The following PRAME variants were observed in gnomAD, a reference collection of about 807,000 sequenced individuals.
PRAME encodes PRAME nuclear receptor transcriptional regulator.
A neutral mutation model predicts 32.1 loss-of-function variants in PRAME; 21 were observed. The ratio of observed to expected loss-of-function variants is 0.65; its 90% CI spans 0.46 to 0.94. The LOEUF (loss-of-function observed/expected upper bound fraction) is 0.94, where lower values mean the gene tolerates loss of function less well. PRAME is among the 40% of genes least tolerant of loss of function. PRAME has a pLI of 0.00. For synonymous variants in PRAME, 274 were observed against 251.5 expected (o/e 1.09, Z -0.85); for missense variants, 651 against 622.3 (o/e 1.05, Z -0.49).
At chr22:22,553,012 G>A (rs935975103) in intron 3 of PRAME, 2 of 459,174 alleles carry the variant, frequency 4.4e-6, no homozygotes, top group South Asian at 1.6e-5. Flanking sequence ...GAATCCTGAT[G>A]GGGTTTTTTA....
intron 3 of PRAME, among the ~76,000 whole-genome samples, chr22:22,555,502 T>C (rs1439712029): frequency 1.3e-5 from 2 of 151,834 alleles, no homozygotes; most frequent in East Asian, 3.9e-4. Context: ...CCTCCCAAAG[T>C]GTTGAGATTA....
rs1211962391 is a variant in PRAME at position 22,548,170 on chromosome 22, C to T, written c.1427G>A (p.Arg476Gln). 13 of 1,613,816 alleles carry T rather than the reference C, an allele frequency of 8.1e-6. No individual in the cohort carries two copies. Among genetic ancestry groups the T allele is most frequent in the East Asian group, 4.5e-5 (2 of 44,784 alleles). Reference sequence around the variant, plus strand: ...GGCACTAAGCCAGACCATGCTGGGCCGCCCCAACTCACACAGCAACTCCCT... The same window carrying T: ...GGCACTAAGCCAGACCATGCTGGGCTGCCCCAACTCACACAGCAACTCCCT... The part of the protein sequence containing the change: ...RLRELLCELG[R>Q]PSMVWLSANP... The change falls in exon 6 of 6, where the codon CGG becomes CAG. Residue 476 changes from arginine to glutamine, a missense_variant. Arg to Gln is a conservative substitution (Grantham distance 43). Coordinates refer to ENST00000405655, the MANE Select transcript of PRAME (RefSeq NM_206956.3).
At chr22:22,554,166 C>A (rs2062766782) in intron 3 of PRAME, 2 of 985,034 alleles carry the variant, frequency 2.0e-6, no homozygotes, top group Admixed American at 6.2e-5. Context: ...TGGGCCTGAT[C>A]ACCCACTGGT....
At chr22:22,555,134 T>C (rs960635381) in intron 3 of PRAME, among the ~76,000 whole-genome samples, 3 of 152,012 alleles carry the variant, frequency 2.0e-5, no homozygotes, top group Non-Finnish European at 4.4e-5. Context: ...CTGCATGTCC[T>C]GTCTACTGGT....
At chr22:22,554,735 A>G (rs184083118) in intron 3 of PRAME, among the ~76,000 whole-genome samples, 1 of 152,080 alleles carries the variant, frequency 6.6e-6, no homozygotes, top group African/African-American at 2.4e-5. Flanking sequence ...GAGTTTAGAA[A>G]GAGTTTCATT....
chr22:22,552,845 C>T (rs2062675549), intron 3 of PRAME: 1 of 470,832 alleles, frequency 2.1e-6, no homozygotes, highest in Non-Finnish European at 4.4e-6. Context: ...TCTGCCCAGA[C>T]CTCTGGGAAG....
Position 22,549,974 on chromosome 22 carries a change from A to G in PRAME, c.705T>C (p.Ile235=). The G allele has an allele frequency of 6.2e-7, 1 of 1,613,846 alleles. No homozygotes were observed. ...AGGTACAAGTCACTTCCAAATCTTC[A>G]ATAGAGTCCAGCTGCACCATTTTCA... The part of the protein sequence containing the change: ...MILKMVQLDS[I]EDLEVTCTWK... The change falls in exon 5 of 6, where the codon ATT becomes ATC. Residue 235 remains isoleucine, a synonymous_variant. Coordinates refer to ENST00000405655, the MANE Select transcript of PRAME (RefSeq NM_206956.3).
At position 22,547,875 on chromosome 22, in the gene PRAME, G is replaced by C; in HGVS notation, c.*192C>G. 1.6e-6 allele frequency: 1 copy of C among 630,074 alleles called. No individual in the cohort carries two copies. The highest frequency in any genetic ancestry group is 2.8e-6 in the Non-Finnish European group (1 of 363,588). The allele number at this position is 630,074 out of a possible 1,614,324, so 39.0% of individuals were successfully genotyped here. ...ACATTAACTCCTCAAGTCAACATCT[G>C]CCTACCCCCAACTTCCCCTTTTTTT... On this transcript the variant is annotated 3_prime_UTR_variant, in exon 6 of 6. Transcript: ENST00000405655.
chr22:22,548,393 G>A lies in PRAME; in HGVS notation c.1204C>T (p.Leu402=), dbSNP rs140848483. The change falls in exon 6 of 6, where the codon CTG becomes TTG. Residue 402 remains leucine, a synonymous_variant. Transcript: ENST00000405655. ...DDQLLALLPS[L]SHCSQLTTLS... is the part of the protein sequence containing the mutation. ...GTCGTAAGCTGGGAGCAGTGGCTCA[G>A]GGAAGGCAGGAGGGCAAGGAGCTGA... 9.3e-6 allele frequency: 15 copies of A among 1,613,396 alleles called. No homozygotes were observed. The highest frequency in any genetic ancestry group is 1.2e-5 in the Non-Finnish European group (14 of 1,179,964).
chr22:22,557,234 C>T (rs2062983621), intron 2 of PRAME: 1 of 216,674 alleles, frequency 4.6e-6, no homozygotes, highest in Admixed American at 5.9e-5. Context: ...TGGGCCGTCC[C>T]CAACCCCCAG....
chr22:22,549,239 C>T (rs1011134233), intron 5 of PRAME, among the ~76,000 whole-genome samples: 1 of 151,926 alleles, frequency 6.6e-6, no homozygotes, highest in African/African-American at 2.4e-5. Flanking sequence ...CAGAATCCTG[C>T]ATTTCCCACC....
intron 3 of PRAME, among the ~76,000 whole-genome samples, chr22:22,554,651 G>A (rs886656653): frequency 6.6e-6 from 1 of 151,878 alleles, no homozygotes; most frequent in Non-Finnish European, 1.5e-5. Context: ...TTTTAGTCTT[G>A]TAAGTCCCTG....
intron 3 of PRAME, among the ~76,000 whole-genome samples, chr22:22,552,442 T>C (rs1294127790): frequency 1.3e-5 from 2 of 148,508 alleles, no homozygotes; most frequent in Non-Finnish European, 3.0e-5. Context: ...AAATTATTTT[T>C]AACATATACA....
chr22:22,553,826 A>G (rs1247431095), intron 3 of PRAME: 2 of 985,080 alleles, frequency 2.0e-6, no homozygotes, highest in African/African-American at 1.7e-5. Flanking sequence ...AGTTGTCAGA[A>G]GACCTTCTCT....
intron 3 of PRAME, among the ~76,000 whole-genome samples, chr22:22,555,278 T>C (rs1031218408): frequency 6.6e-6 from 1 of 151,788 alleles, no homozygotes; most frequent in Non-Finnish European, 1.5e-5. Flanking sequence ...CTTCAGGTGT[T>C]TTTTTTGGAG....
rs754401173 is a variant in PRAME at position 22,547,970 on chromosome 22, G to A, written c.*97C>T. 1.6e-5 allele frequency: 21 copies of A among 1,292,216 alleles called. No homozygotes were observed. Among genetic ancestry groups the A allele is most frequent in the Non-Finnish European group, 2.3e-5 (21 of 928,958 alleles). The allele number at this position is 1,292,216 out of a possible 1,614,324, so 80.0% of individuals were successfully genotyped here. On this transcript the variant is annotated 3_prime_UTR_variant, in exon 6 of 6. Coordinates refer to ENST00000405655, the MANE Select transcript of PRAME (RefSeq NM_206956.3). ...TTTTCCTCACTCACACTGAACATTT[G>A]TCTGAAACTGTGGCTGCTTTGTTGC... is the stretch of plus-strand genomic sequence containing the variant.
chr22:22,556,690 C>T (rs2062945061), intron 3 of PRAME, 122 bp downstream of exon 3: 3 of 1,172,634 alleles, frequency 2.6e-6, no homozygotes, highest in East Asian at 2.4e-5. Context: ...ATAAAAGCGG[C>T]TCCTGCCTCT....
At chr22:22,555,413 T>G (rs1450923524) in intron 3 of PRAME, among the ~76,000 whole-genome samples, 1 of 151,864 alleles carries the variant, frequency 6.6e-6, no homozygotes, top group Non-Finnish European at 1.5e-5. Flanking sequence ...TATTTTTGTA[T>G]TTTTAGTAGA....
intron 4 of PRAME, 90 bp downstream of exon 4, chr22:22,550,677 C>T: frequency 7.1e-7 from 1 of 1,404,720 alleles, no homozygotes; most frequent in Non-Finnish European, 9.6e-7. Context: ...GAGCCTCTGG[C>T]CCAGCCTTAG....
Sources: allele counts gnomAD v4.1 joint callset (sites outside exome capture counted in the v4.1 genomes callset), GRCh38; gene constraint gnomAD v4.1.1; transcripts MANE v1.5; gene names NCBI Gene and HGNC (gene_info 2026-07-23, HGNC 2026-07-21).